The following DDC variants were observed in gnomAD, a reference collection of about 807,000 sequenced individuals.
DDC encodes the protein aromatic-L-amino-acid decarboxylase.
In DDC, 43 loss-of-function variants were observed where a neutral mutation model predicts 60.0. The observed-to-expected ratio is 0.72, with a 90% confidence interval of 0.56 to 0.92. The LOEUF (loss-of-function observed/expected upper bound fraction) is 0.92, where lower values mean the gene tolerates loss of function less well. DDC is among the 40% of genes least tolerant of loss of function. The pLI is 0.00. For synonymous variants in DDC, 232 were observed against 234.6 expected (o/e 0.99, Z 0.10); for missense variants, 573 against 620.2 (o/e 0.92, Z 0.81).
intron 1 of DDC, among the ~76,000 whole-genome samples, chr7:50,547,119 TGG>T (rs2044832631): frequency 6.6e-6 from 1 of 152,244 alleles, no homozygotes; most frequent in Admixed American, 6.5e-5. Context: ...TTAACTCAAA[TGG>T]TATCACACTG....
Position 50,539,950 on chromosome 7 carries a change from G to A in DDC, c.280C>T (p.Leu94=). 1.2e-6 allele frequency: 2 copies of A among 1,613,996 alleles called. No individual in the cohort carries two copies. The highest frequency in any genetic ancestry group is 1.7e-6 in the Non-Finnish European group (2 of 1,179,960). The change falls in exon 3 of 15, where the codon CTG becomes TTG. Residue 94 remains leucine, a synonymous_variant. Transcript: ENST00000444124. ...CCGATGCAGCCAATGGCCCCGCACA[G>A]CATGTCCGCAAGCATGGCCGGGTAC... is the stretch of plus-strand genomic sequence containing the variant. ...SSYPAMLADM[L]CGAIGCIGFS...
intron 6 of DDC, among the ~76,000 whole-genome samples, chr7:50,517,418 A>G (rs946119127): frequency 6.6e-6 from 1 of 152,202 alleles, no homozygotes; most frequent in East Asian, 1.9e-4. Context: ...GCATAAAGGG[A>G]CATACCTTAA....
At chr7:50,541,248 C>T (rs2044619368) in intron 2 of DDC, 1 of 152,288 alleles carries the variant, frequency 6.6e-6, no homozygotes, top group African/African-American at 2.4e-5. Flanking sequence ...AGCAGGAACC[C>T]TGATTTGCTG....
At chr7:50,467,584 T>G (rs1001906305) in intron 12 of DDC, among the ~76,000 whole-genome samples, 7 of 152,216 alleles carry the variant, frequency 4.6e-5, no homozygotes, top group African/African-American at 1.7e-4. Flanking sequence ...CAAACTGTCT[T>G]TTATAATGTT....
intron 7 of DDC, among the ~76,000 whole-genome samples, 188 bp from the exon 8 acceptor site, chr7:50,499,430 C>T (rs1214367564): frequency 6.6e-6 from 1 of 152,180 alleles, no homozygotes; most frequent in Non-Finnish European, 1.5e-5. Flanking sequence ...GTGTGTGCTG[C>T]TGGCCCCAGA....
chr7:50,508,548 A>G (rs1275785222), intron 6 of DDC, among the ~76,000 whole-genome samples: 1 of 152,204 alleles, frequency 6.6e-6, no homozygotes, highest in Non-Finnish European at 1.5e-5. Context: ...CTGAGAAACA[A>G]GGGGAAACTT....
At chr7:50,515,520 A>C (rs1030803278) in intron 6 of DDC, among the ~76,000 whole-genome samples, 3 of 152,168 alleles carry the variant, frequency 2.0e-5, no homozygotes, top group African/African-American at 7.2e-5. Flanking sequence ...AAAACAAAAA[A>C]CAAACAAACA....
intron 1 of DDC, among the ~76,000 whole-genome samples, chr7:50,550,722 C>T (rs1288592015): frequency 6.6e-6 from 1 of 152,180 alleles, no homozygotes; most frequent in Non-Finnish European, 1.5e-5. Flanking sequence ...CAGTTAGTTG[C>T]ATTCTTTTGA....
intron 2 of DDC, among the ~76,000 whole-genome samples, chr7:50,543,628 T>TG (rs1265324806): frequency 1.3e-5 from 2 of 152,182 alleles, no homozygotes; most frequent in African/African-American, 4.8e-5. Flanking sequence ...TCAGGGGACC[T>TG]GGGGGAAAGA....
Position 50,484,639 on chromosome 7 carries a change from T to A in DDC, c.945-4776A>T, listed in dbSNP as rs142167521. Among the ~76,000 whole-genome samples, 152 of 152,344 alleles carry A rather than the reference T, an allele frequency of 1.0e-3. 1 individual carries two copies. The highest frequency in any genetic ancestry group is 3.4e-3 in the African/African-American group (143 of 41,576). Reference sequence around the variant, plus strand: ...TATGGAAACAGATGTGTATGTGTACTTGAGGACATACATGGGCACACACAC... The same window carrying A: ...TATGGAAACAGATGTGTATGTGTACATGAGGACATACATGGGCACACACAC... On this transcript the variant is annotated intron_variant, in intron 9 of 14. Transcript: ENST00000444124.
chr7:50,469,072 T>C (rs1703543034), intron 12 of DDC, among the ~76,000 whole-genome samples: 1 of 151,150 alleles, frequency 6.6e-6, no homozygotes, highest in Non-Finnish European at 1.5e-5. Flanking sequence ...CCCGAGTAGC[T>C]GGGATTACAG....
chr7:50,535,120 G>T (rs2044353930), intron 4 of DDC, among the ~76,000 whole-genome samples: 1 of 152,064 alleles, frequency 6.6e-6, no homozygotes, highest in Non-Finnish European at 1.5e-5. Flanking sequence ...GCAACGTATT[G>T]AAGCTTTGCT....
chr7:50,525,163 A>G (rs1490543710), intron 6 of DDC, among the ~76,000 whole-genome samples: 1 of 152,228 alleles, frequency 6.6e-6, no homozygotes, highest in Non-Finnish European at 1.5e-5. Context: ...CATATCAGTG[A>G]TTGCCAAGGG....
intron 5 of DDC, 111 bp from the exon 6 acceptor site, chr7:50,528,391 C>T (rs2044100904): frequency 2.9e-6 from 4 of 1,381,920 alleles, no homozygotes; most frequent in Non-Finnish European, 3.1e-6. Flanking sequence ...TCCCTCTTAA[C>T]GGCACAGGAG....
chr7:50,538,116 G>A, intron 3 of DDC, 137 bp from the exon 4 acceptor site: 1 of 1,092,840 alleles, frequency 9.2e-7, no homozygotes, highest in Non-Finnish European at 1.3e-6. Flanking sequence ...TCAAAGGCCT[G>A]AAGGCTGTTT....
At chr7:50,516,669 G>T (rs1188745817) in intron 6 of DDC, among the ~76,000 whole-genome samples, 1 of 151,868 alleles carries the variant, frequency 6.6e-6, no homozygotes, top group Non-Finnish European at 1.5e-5. Flanking sequence ...AAATAAAATT[G>T]ATAGACCATT....
rs573845935 is a variant in DDC at position 50,524,969 on chromosome 7, A to G, written c.714+3168T>C. Among the ~76,000 whole-genome samples the G allele has an allele frequency of 2.6e-5, 4 of 152,340 alleles. No homozygotes were observed. In the South Asian group the frequency reaches 8.3e-4, roughly 32 times the overall value. ...AATGGGTAAACAAACTGTAGTATAG[A>G]TAACATGGTACCAAATCTCTGTGGT... is the stretch of plus-strand genomic sequence containing the variant. On this transcript the variant is annotated intron_variant, in intron 6 of 14. Coordinates refer to ENST00000444124, the MANE Select transcript of DDC (RefSeq NM_001082971.2).
In DDC at chr7:50,544,171, G is replaced by A. The variant is rs1430175392; in HGVS notation, c.-28-58C>T. ...TTGCAACCTCTGAACTGGAAGGCGG[G>A]GATACCAAGCAAGCCGTGGGTAGGG... On this transcript the variant is annotated intron_variant, in intron 1 of 14. Coordinates refer to ENST00000444124, the MANE Select transcript of DDC (RefSeq NM_001082971.2). 4 of 1,350,852 alleles carry A rather than the reference G, an allele frequency of 3.0e-6. No homozygotes were observed. The African/African-American group carries it at 4.3e-5, about 15-fold the overall frequency. 83.7% of individuals were successfully genotyped at this position (1,350,852 alleles called of 1,614,324 possible).
chr7:50,465,893 C>G (rs2042384613), intron 13 of DDC, among the ~76,000 whole-genome samples: 1 of 152,320 alleles, frequency 6.6e-6, no homozygotes, highest in East Asian at 1.9e-4. Context: ...ACATCCAGAG[C>G]GTGTCTTGCC....
Sources: gnomAD v4.1 joint callset for allele counts (sites outside exome capture counted in the v4.1 genomes callset) on GRCh38, gnomAD v4.1.1 for gene constraint, MANE v1.5 for transcripts, NCBI Gene and HGNC (gene_info 2026-07-23, HGNC 2026-07-21) for gene names.